The following MNAT1 variants were observed in gnomAD, a reference collection of about 807,000 sequenced individuals.
MNAT1 encodes MNAT1 component of CDK activating kinase.
Under a neutral mutation model 42.0 loss-of-function variants are expected in MNAT1, and 43 were observed. That is an observed-to-expected ratio of 1.02 (90% CI 0.80 to 1.32). The LOEUF is 1.32. Ranked by LOEUF, MNAT1 falls within the 40% of genes most tolerant of loss-of-function variation. The pLI is 0.00. For missense variants in MNAT1, 306 were observed against 350.4 expected (o/e 0.87, Z 1.01); for synonymous variants, 118 against 120.0 (o/e 0.98, Z 0.11).
chr14:60,910,737 T>C (rs984494120), intron 7 of MNAT1, among the ~76,000 whole-genome samples: 1 of 152,228 alleles, frequency 6.6e-6, no homozygotes, highest in South Asian at 2.1e-4. Flanking sequence ...CAGTATTTTA[T>C]TGAGGATTTT....
chr14:60,889,300 A>G (rs2034772141), intron 7 of MNAT1, among the ~76,000 whole-genome samples: 1 of 152,208 alleles, frequency 6.6e-6, no homozygotes, highest in Non-Finnish European at 1.5e-5. Flanking sequence ...ATGCTGCATT[A>G]TCTACAACTA....
At chr14:60,747,385 A>G (rs2140289540) in intron 1 of MNAT1, among the ~76,000 whole-genome samples, 1 of 152,264 alleles carries the variant, frequency 6.6e-6, no homozygotes, top group South Asian at 2.1e-4. Context: ...AGTACCTGGT[A>G]TAGTCTATTA....
chr14:60,899,702 T>C (rs1345822884), intron 7 of MNAT1, among the ~76,000 whole-genome samples: 1 of 152,176 alleles, frequency 6.6e-6, no homozygotes, highest in Non-Finnish European at 1.5e-5. Flanking sequence ...GCAAAGCAAT[T>C]AAAAAATCTA....
intron 7 of MNAT1, among the ~76,000 whole-genome samples, chr14:60,905,646 C>CG (rs1313886162): frequency 2.0e-5 from 3 of 152,130 alleles, no homozygotes; most frequent in Non-Finnish European, 2.9e-5. Context: ...GGAGACTTAG[C>CG]GGGGGTGGAG....
chr14:60,823,317 G>T (rs2032953265), intron 6 of MNAT1, among the ~76,000 whole-genome samples: 1 of 152,144 alleles, frequency 6.6e-6, no homozygotes, highest in South Asian at 2.1e-4. Flanking sequence ...TTACTTTTGA[G>T]TGGGGATTGG....
At position 60,753,385 on chromosome 14, in the gene MNAT1, C is replaced by T. The variant is rs564111018; in HGVS notation, c.89+18434C>T. ...ACAGTATTCACAGTATGCAAAACCC[C>T]ATGTATATGGAGGGCTGACTGTATT... On this transcript the variant is annotated intron_variant, in intron 1 of 7. Coordinates refer to ENST00000261245, the MANE Select transcript of MNAT1 (RefSeq NM_002431.4). 2.6e-5 allele frequency among the ~76,000 whole-genome samples: 4 copies of T among 152,242 alleles called. No individual in the cohort carries two copies. In the South Asian group the frequency reaches 8.3e-4, roughly 32 times the overall value.
At chr14:60,738,460 T>C (rs2140281327) in intron 1 of MNAT1, among the ~76,000 whole-genome samples, 1 of 152,194 alleles carries the variant, frequency 6.6e-6, no homozygotes, top group Non-Finnish European at 1.5e-5. Flanking sequence ...TTCACTATGT[T>C]GGCCAGGCTG....
intron 6 of MNAT1, among the ~76,000 whole-genome samples, chr14:60,866,461 C>T (rs1299904114): frequency 6.6e-6 from 1 of 151,942 alleles, no homozygotes. Context: ...GTGGAACTAA[C>T]TGAGGGAAAA....
chr14:60,946,239 A>G (rs560175018), intron 7 of MNAT1, among the ~76,000 whole-genome samples: 2 of 152,332 alleles, frequency 1.3e-5, no homozygotes, highest in South Asian at 4.1e-4. Context: ...TCAACCCTGA[A>G]TCTTCCTCTG....
At chr14:60,797,190 G>A (rs1387425598) in intron 2 of MNAT1, among the ~76,000 whole-genome samples, 1 of 151,982 alleles carries the variant, frequency 6.6e-6, no homozygotes, top group African/African-American at 2.4e-5. Context: ...ATCTTTCTAG[G>A]TACATAACCA....
intron 6 of MNAT1, among the ~76,000 whole-genome samples, chr14:60,841,326 C>T (rs2033546197): frequency 6.6e-6 from 1 of 151,890 alleles, no homozygotes; most frequent in Non-Finnish European, 1.5e-5. Context: ...TTTCAGTGAT[C>T]TTCTGTAGTG....
At chr14:60,768,676 T>C (rs2030933281) in intron 1 of MNAT1, among the ~76,000 whole-genome samples, 1 of 152,232 alleles carries the variant, frequency 6.6e-6, no homozygotes, top group Non-Finnish European at 1.5e-5. Context: ...TTATAATAAC[T>C]CTAATTGGTA....
chr14:60,917,152 G>A (rs1438431091), intron 7 of MNAT1, among the ~76,000 whole-genome samples: 1 of 152,116 alleles, frequency 6.6e-6, no homozygotes, highest in Non-Finnish European at 1.5e-5. Context: ...AAAGTTTAGG[G>A]AACATACTTT....
chr14:60,953,597 T>G (rs959199832), intron 7 of MNAT1, among the ~76,000 whole-genome samples: 2 of 152,204 alleles, frequency 1.3e-5, no homozygotes, highest in African/African-American at 4.8e-5. Flanking sequence ...TTACACATAA[T>G]TGAATGTACC....
At chr14:60,965,744 T>C (rs975517663) in intron 7 of MNAT1, among the ~76,000 whole-genome samples, 9 of 152,298 alleles carry the variant, frequency 5.9e-5, no homozygotes, top group South Asian at 4.1e-4. Context: ...TGAACATCTA[T>C]TGAAGCTAAG....
At chr14:60,903,339 C>A (rs2035113102) in intron 7 of MNAT1, among the ~76,000 whole-genome samples, 1 of 151,902 alleles carries the variant, frequency 6.6e-6, no homozygotes, top group Non-Finnish European at 1.5e-5. Context: ...TAGCTACCTA[C>A]CTAAAATAGC....
At chr14:60,741,732 G>A (rs868574640) in intron 1 of MNAT1, among the ~76,000 whole-genome samples, 90 of 126,896 alleles carry the variant, frequency 7.1e-4, no homozygotes, top group African/African-American at 2.7e-3. Context: ...GGTCTCAAAC[G>A]CCTGAGCGCA....
At chr14:60,863,977 T>A (rs970402073) in intron 6 of MNAT1, among the ~76,000 whole-genome samples, 4 of 152,030 alleles carry the variant, frequency 2.6e-5, no homozygotes, top group African/African-American at 9.7e-5. Flanking sequence ...ATATGCAGTT[T>A]AACATTCATT....
chr14:60,861,797 A>T (rs1433059885), intron 6 of MNAT1, among the ~76,000 whole-genome samples: 1 of 152,188 alleles, frequency 6.6e-6, no homozygotes, highest in Non-Finnish European at 1.5e-5. Context: ...TTGATGCTAG[A>T]TCAATTAGCA....
Sources: gnomAD v4.1 joint callset for allele counts (sites outside exome capture counted in the v4.1 genomes callset) on GRCh38, gnomAD v4.1.1 for gene constraint, MANE v1.5 for transcripts, NCBI Gene and HGNC (gene_info 2026-07-23, HGNC 2026-07-21) for gene names.